ITGA1: variants seen among roughly 807,000 people sequenced by gnomAD.
The protein encoded by ITGA1 is integrin subunit alpha 1.
In ITGA1, 85 loss-of-function variants were observed where a neutral mutation model predicts 145.9. That is an observed-to-expected ratio of 0.58 (90% CI 0.49 to 0.70). The LOEUF (loss-of-function observed/expected upper bound fraction) is 0.70. Among genes scored for constraint, ITGA1 ranks in the 30% least tolerant of loss-of-function variants. The pLI is 0.00. For missense variants in ITGA1, 1,351 were observed against 1,418.7 expected (o/e 0.95, Z 0.77); for synonymous variants, 520 against 495.3 (o/e 1.05, Z -0.66).
chr5:52,873,457 A>G (rs574561601), intron 6 of ITGA1, among the ~76,000 whole-genome samples: 2 of 152,326 alleles, frequency 1.3e-5, no homozygotes, highest in East Asian at 1.9e-4. Flanking sequence ...ACCTGTATCT[A>G]TTATGTATCA....
intron 1 of ITGA1, among the ~76,000 whole-genome samples, chr5:52,846,367 C>T (rs1015800988): frequency 6.6e-6 from 1 of 152,180 alleles, no homozygotes; most frequent in East Asian, 1.9e-4. Flanking sequence ...TGTACCACTG[C>T]ACACCAGCCT....
chr5:52,912,892 T>G (rs1283026802), intron 14 of ITGA1, among the ~76,000 whole-genome samples: 11 of 151,648 alleles, frequency 7.3e-5, no homozygotes, highest in South Asian at 2.1e-4. Context: ...GACTACAGGC[T>G]CCCGCCACCA....
chr5:52,908,110 T>G (rs1177669766), intron 12 of ITGA1, among the ~76,000 whole-genome samples: 1 of 151,748 alleles, frequency 6.6e-6, no homozygotes, highest in Non-Finnish European at 1.5e-5. Flanking sequence ...ATTCAGAAAA[T>G]GAGAGTTGGG....
intron 6 of ITGA1, among the ~76,000 whole-genome samples, chr5:52,874,107 T>C (rs1284254466): frequency 6.6e-6 from 1 of 151,318 alleles, no homozygotes; most frequent in Non-Finnish European, 1.5e-5. Flanking sequence ...TTCTGGAGGC[T>C]GGGAGGGCCA....
intron 6 of ITGA1, among the ~76,000 whole-genome samples, chr5:52,872,398 TA>T (rs1423100466): frequency 1.3e-5 from 2 of 152,038 alleles, no homozygotes; most frequent in East Asian, 1.9e-4. Flanking sequence ...GGCACTAGAA[TA>T]ATCATTCCGA....
Position 52,881,931 on chromosome 5 carries a change from C to T in ITGA1, c.683C>T (p.Ser228Phe). 1 of 1,613,762 alleles carries T rather than the reference C, an allele frequency of 6.2e-7. No individual in the cohort carries two copies. Among genetic ancestry groups the T allele is most frequent in the Non-Finnish European group, 8.5e-7 (1 of 1,179,752 alleles). The change falls in exon 7 of 29, where the codon TCT becomes TTT. Residue 228 changes from serine (S) to phenylalanine (F), a missense_variant. Coordinates refer to ENST00000282588, the MANE Select transcript of ITGA1 (RefSeq NM_181501.2). ...VTHEFNLNKY[S>F]STEEVLVAAK... ...CATGAGTTCAACCTCAATAAGTATT[C>T]TTCCACCGAAGAGGTACTTGTTGCA...
At chr5:52,788,438 G>A (rs372461781) in intron 1 of ITGA1, 24 bp downstream of exon 1, 3 of 1,491,786 alleles carry the variant, frequency 2.0e-6, no homozygotes, top group African/African-American at 2.9e-5. Flanking sequence ...TTTTCTCTGA[G>A]CATCTCCTGC....
chr5:52,799,363 C>T (rs1270309945), intron 1 of ITGA1, among the ~76,000 whole-genome samples: 1 of 152,172 alleles, frequency 6.6e-6, no homozygotes, highest in East Asian at 1.9e-4. Context: ...TTAGCTTTGG[C>T]AGTGAAGATC....
intron 2 of ITGA1, among the ~76,000 whole-genome samples, chr5:52,854,328 T>C (rs1173125112): frequency 2.0e-5 from 3 of 152,150 alleles, no homozygotes; most frequent in African/African-American, 7.2e-5. Context: ...TTTTAAGGGT[T>C]TACACAATTT....
chr5:52,821,740 T>G (rs1446968719), intron 1 of ITGA1, among the ~76,000 whole-genome samples: 3 of 152,212 alleles, frequency 2.0e-5, no homozygotes, highest in Non-Finnish European at 4.4e-5. Flanking sequence ...CCCACAACTA[T>G]TCAGCCTTAA....
At chr5:52,820,620 T>C (rs1463042980) in intron 1 of ITGA1, among the ~76,000 whole-genome samples, 1 of 152,068 alleles carries the variant, frequency 6.6e-6, no homozygotes, top group Non-Finnish European at 1.5e-5. Context: ...TGTTCATTGA[T>C]GAGAACCAGC....
intron 3 of ITGA1, 31 bp from the exon 4 acceptor site, chr5:52,864,732 C>A: frequency 7.4e-7 from 1 of 1,357,768 alleles, no homozygotes; most frequent in Non-Finnish European, 1.0e-6. Flanking sequence ...TGAAACTTTT[C>A]CTCCCTCATA....
At chr5:52,931,889 G>T in intron 21 of ITGA1, 158 bp from the exon 22 acceptor site, 2 of 531,530 alleles carry the variant, frequency 3.8e-6, no homozygotes. Context: ...AATCATCTCT[G>T]ATCTCCTTCT....
intron 1 of ITGA1, among the ~76,000 whole-genome samples, chr5:52,812,104 T>G (rs905482090): frequency 2.6e-5 from 4 of 152,190 alleles, no homozygotes; most frequent in African/African-American, 7.2e-5. Flanking sequence ...AGCTCTCTGG[T>G]TAAGAAAAGA....
intron 14 of ITGA1, among the ~76,000 whole-genome samples, chr5:52,911,756 A>G (rs1031072866): frequency 6.4e-5 from 7 of 108,540 alleles, no homozygotes; most frequent in South Asian, 3.6e-4. Flanking sequence ...CTATACATAT[A>G]GTGTATCTAC....
At chr5:52,910,977 T>C (rs1218815089) in intron 14 of ITGA1, among the ~76,000 whole-genome samples, 7 of 107,650 alleles carry the variant, frequency 6.5e-5, no homozygotes, top group Admixed American at 1.1e-4. Flanking sequence ...ATACTATATA[T>C]AGTATGTATA....
rs1452235315 is a variant in ITGA1, at chr5:52,912,815, C to T, written c.1857+2396C>T. On this transcript the variant is annotated intron_variant, in intron 14 of 28. Coordinates refer to ENST00000282588, the MANE Select transcript of ITGA1 (RefSeq NM_181501.2). ...AGGCTAGACTGCAGTGGCACGATCT[C>T]AGCTTACTGCACGCTCCACCTCCCA... Among the ~76,000 whole-genome samples, 3 of 151,048 alleles carry T rather than the reference C, an allele frequency of 2.0e-5. No homozygotes were observed. In the South Asian group the frequency reaches 6.3e-4, roughly 32 times the overall value.
In ITGA1 at chr5:52,955,905, AC is replaced by A. The variant is rs1304365645; in HGVS notation, c.*3456del. ...TTTTACAAAATTTGATGCTTCTGCAACCATAATAATTTTATCTATAAATGCG... is the reference window on the plus strand; with the variant it reads ...TTTTACAAAATTTGATGCTTCTGCAACATAATAATTTTATCTATAAATGCG... On this transcript the variant is annotated 3_prime_UTR_variant, in exon 29 of 29. Coordinates refer to ENST00000282588, the MANE Select transcript of ITGA1 (RefSeq NM_181501.2). 2.6e-5 allele frequency: 4 copies of A among 151,304 alleles called. No homozygotes were observed. The highest frequency in any genetic ancestry group is 9.7e-5 in the African/African-American group (4 of 41,096). 9.4% of individuals were successfully genotyped at this position (151,304 alleles called of 1,614,324 possible). A position where few individuals can be genotyped will look rare whatever the true frequency, so the allele number is the denominator to read the frequency against.
At position 52,882,402 on chromosome 5, in the gene ITGA1, T is replaced by A. The variant is rs556514961; in HGVS notation, c.773+381T>A. Among the ~76,000 whole-genome samples the A allele has an allele frequency of 2.0e-5, 3 of 152,236 alleles. 1 individual carries two copies. The highest frequency in any genetic ancestry group is 7.2e-5 in the African/African-American group (3 of 41,538). ...AAAATAGGTCTACCTCTACTCAATA[T>A]ATATTTATATTCTAGAATGTCCATG... On this transcript the variant is annotated intron_variant, in intron 7 of 28. Coordinates refer to ENST00000282588, the MANE Select transcript of ITGA1 (RefSeq NM_181501.2).
Sources: gnomAD v4.1 joint callset for allele counts (sites outside exome capture counted in the v4.1 genomes callset) on GRCh38, gnomAD v4.1.1 for gene constraint, MANE v1.5 for transcripts, NCBI Gene and HGNC (gene_info 2026-07-23, HGNC 2026-07-21) for gene names.